Variants in ZMYND8 observed in about 807,000 individuals in gnomAD.
ZMYND8 encodes MYND-type zinc finger-containing chromatin reader ZMYND8.
Under a neutral mutation model 140.8 loss-of-function variants are expected in ZMYND8, and 37 were observed. The ratio of observed to expected loss-of-function variants is 0.26; its 90% confidence interval spans 0.20 to 0.35. The LOEUF (loss-of-function observed/expected upper bound fraction) is 0.35, where lower values mean the gene tolerates loss of function less well. ZMYND8 is among the 10% of genes least tolerant of loss of function. The probability of loss-of-function intolerance (pLI) is 1.00; values close to 1 mark genes in which losing one functional copy is unlikely to be tolerated. For synonymous variants in ZMYND8, 592 were observed against 597.1 expected (o/e 0.99, Z 0.12); for missense variants, 1,068 against 1,570.0 (o/e 0.68, Z 5.40).
intron 2 of ZMYND8, among the ~76,000 whole-genome samples, chr20:47,323,086 T>C (rs1009938865): frequency 1.1e-4 from 17 of 152,016 alleles, no homozygotes; most frequent in African/African-American, 3.6e-4. Flanking sequence ...CCCAAAAGGG[T>C]TGTGAGGATT....
intron 2 of ZMYND8, among the ~76,000 whole-genome samples, chr20:47,336,428 T>C (rs2081390663): frequency 6.6e-6 from 1 of 152,212 alleles, no homozygotes. Flanking sequence ...TGGTTTCAGC[T>C]TTGGCAGGCT....
intron 2 of ZMYND8, among the ~76,000 whole-genome samples, chr20:47,330,969 C>T (rs1343795699): frequency 6.6e-6 from 1 of 152,124 alleles, no homozygotes; most frequent in Non-Finnish European, 1.5e-5. Context: ...GAGAGGAAGG[C>T]AAGGAGGGGA....
In ZMYND8 at chr20:47,276,543, G is replaced by T. The variant is rs1163969252; in HGVS notation, c.1251C>A (p.Val417=). 6.2e-7 allele frequency: 1 copy of T among 1,613,916 alleles called. No homozygotes were observed. Among genetic ancestry groups the T allele is most frequent in the African/African-American group, 1.3e-5 (1 of 74,876 alleles). ...ATGCCGTCATGTCAAAGTTGAGCTT[G>T]ACCTTCTCCTGCTTGTCTATCTTGG... ...GTAKIDKQEK[V]KLNFDMTASP... Residue 417 remains valine (V), a synonymous_variant, in exon 11 of 23, where the codon GTC becomes GTA. Transcript: ENST00000471951.
intron 19 of ZMYND8, among the ~76,000 whole-genome samples, chr20:47,222,457 GC>G (rs1214682089): frequency 6.6e-6 from 1 of 152,156 alleles, no homozygotes; most frequent in African/African-American, 2.4e-5. Context: ...AATGGCATGA[GC>G]CCGGGAGGCG....
At chr20:47,283,171 G>A (rs2076714399) in intron 9 of ZMYND8, among the ~76,000 whole-genome samples, 1 of 152,062 alleles carries the variant, frequency 6.6e-6, no homozygotes, top group Non-Finnish European at 1.5e-5. Flanking sequence ...ATCATGTTTT[G>A]GAGGGACTAT....
intron 11 of ZMYND8, among the ~76,000 whole-genome samples, chr20:47,272,888 C>T (rs1042541213): frequency 1.3e-5 from 2 of 152,216 alleles, no homozygotes; most frequent in African/African-American, 4.8e-5. Flanking sequence ...GGGTGAACTA[C>T]TGTCTTATCT....
chr20:47,232,120 C>T (rs1449202522), intron 16 of ZMYND8, among the ~76,000 whole-genome samples: 3 of 152,134 alleles, frequency 2.0e-5, no homozygotes, highest in Non-Finnish European at 4.4e-5. Flanking sequence ...CCTATAATCC[C>T]AGCACTTTTG....
At chr20:47,218,323 C>A (rs1012597350) in intron 21 of ZMYND8, among the ~76,000 whole-genome samples, 2 of 152,212 alleles carry the variant, frequency 1.3e-5, no homozygotes, top group African/African-American at 4.8e-5. Flanking sequence ...GGCTCCAAAA[C>A]CCTAACAGCA....
At chr20:47,350,467 GTGT>G (rs943582931) in intron 1 of ZMYND8, among the ~76,000 whole-genome samples, 1 of 150,356 alleles carries the variant, frequency 6.7e-6, no homozygotes, top group Non-Finnish European at 1.5e-5. Context: ...GTGTGTGTGT[GTGT>G]TTTTTTTTGA....
intron 16 of ZMYND8, among the ~76,000 whole-genome samples, chr20:47,235,040 AG>A (rs773447777): frequency 2.0e-5 from 3 of 152,240 alleles, no homozygotes; most frequent in Non-Finnish European, 4.4e-5. Context: ...TCTAAAAACT[AG>A]AACTGTTTAC....
chr20:47,300,192 T>C (rs1311818646), intron 3 of ZMYND8, among the ~76,000 whole-genome samples: 1 of 152,162 alleles, frequency 6.6e-6, no homozygotes, highest in Non-Finnish European at 1.5e-5. Flanking sequence ...GAAATCCTAT[T>C]TAGGAAGTAC....
At chr20:47,233,079 G>A (rs1174957057) in intron 16 of ZMYND8, among the ~76,000 whole-genome samples, 1 of 151,316 alleles carries the variant, frequency 6.6e-6, no homozygotes, top group Admixed American at 6.6e-5. Flanking sequence ...GCCAATTTTT[G>A]TATTTTTAGT....
intron 2 of ZMYND8, among the ~76,000 whole-genome samples, chr20:47,329,207 C>T (rs1476083082): frequency 1.3e-5 from 2 of 152,196 alleles, no homozygotes; most frequent in African/African-American, 4.8e-5. Context: ...CAGCATTCAG[C>T]ACAGCATGCA....
intron 5 of ZMYND8, among the ~76,000 whole-genome samples, chr20:47,293,196 C>T (rs146067458): frequency 1.6e-5 from 1 of 63,922 alleles, no homozygotes; most frequent in Admixed American, 1.9e-4. Context: ...GGCAGGCAGG[C>T]AGGCAGGCAG....
intron 4 of ZMYND8, among the ~76,000 whole-genome samples, chr20:47,295,662 G>A (rs1328125843): frequency 6.6e-6 from 1 of 152,188 alleles, no homozygotes; most frequent in Non-Finnish European, 1.5e-5. Flanking sequence ...CTAAGGCACT[G>A]TGTCAAAGTA....
chr20:47,260,660 G>T (rs1364339703), intron 12 of ZMYND8, among the ~76,000 whole-genome samples: 1 of 152,150 alleles, frequency 6.6e-6, no homozygotes, highest in Non-Finnish European at 1.5e-5. Flanking sequence ...CATCTGCTTC[G>T]CAACTTGCCC....
At chr20:47,352,604 G>T in intron 1 of ZMYND8, 1 of 940,310 alleles carries the variant, frequency 1.1e-6, no homozygotes, top group Non-Finnish European at 1.3e-6. Flanking sequence ...ACAGGTCTGA[G>T]CATTGGCCTC....
rs181712921 is a variant in ZMYND8, at chr20:47,271,358, T to C, written c.1480+4956A>G. Among the ~76,000 whole-genome samples, 162 of 152,346 alleles carry C rather than the reference T, an allele frequency of 1.1e-3. 1 individual carries two copies. Among genetic ancestry groups the C allele is most frequent in the African/African-American group, 3.8e-3 (158 of 41,588 alleles). ...CTTATGAAAGAGCTGCTTATCATTGTAGCACTAAAGTAGCCCCAAGCTGCT... is the reference window on the plus strand; with the variant it reads ...CTTATGAAAGAGCTGCTTATCATTGCAGCACTAAAGTAGCCCCAAGCTGCT... On this transcript the variant is annotated intron_variant, in intron 11 of 22. Coordinates refer to ENST00000471951, the MANE Select transcript of ZMYND8 (RefSeq NM_001281775.3).
intron 11 of ZMYND8, among the ~76,000 whole-genome samples, chr20:47,275,607 T>G (rs6063095): frequency 0.29 from 44,014 of 151,776 alleles, 6,468 homozygotes; most frequent in Non-Finnish European, 0.33. Flanking sequence ...TTGTTTTTGT[T>G]TTTTGAGACA....
Sources: gnomAD v4.1 joint callset for allele counts (sites outside exome capture counted in the v4.1 genomes callset) on GRCh38, gnomAD v4.1.1 for gene constraint, MANE v1.5 for transcripts, NCBI Gene and HGNC (gene_info 2026-07-23, HGNC 2026-07-21) for gene names.